The following CFAP299 variants were observed in gnomAD, a reference collection of about 807,000 sequenced individuals.
CFAP299 encodes cilia- and flagella-associated protein 299.
A neutral mutation model predicts 27.0 loss-of-function variants in CFAP299; 21 were observed. The observed-to-expected ratio is 0.78, with a 90% CI of 0.55 to 1.12. CFAP299 has a LOEUF of 1.12. Ranked by LOEUF, CFAP299 falls within the 50% of genes most tolerant of loss-of-function variation. The probability of loss-of-function intolerance (pLI) is 0.00; values close to 1 mark genes in which losing one functional copy is unlikely to be tolerated. For missense variants in CFAP299, 310 were observed against 276.6 expected (o/e 1.12, Z -0.86); for synonymous variants, 104 against 98.1 (o/e 1.06, Z -0.36).
At chr4:80,804,108 C>T (rs1051528758) in intron 3 of CFAP299, among the ~76,000 whole-genome samples, 1 of 152,122 alleles carries the variant, frequency 6.6e-6, no homozygotes, top group African/African-American at 2.4e-5. Context: ...CCTCAAGGCT[C>T]CATCTCTTAA....
chr4:80,659,614 A>G (rs1740731418), intron 3 of CFAP299, among the ~76,000 whole-genome samples: 1 of 152,022 alleles, frequency 6.6e-6, no homozygotes, highest in Non-Finnish European at 1.5e-5. Context: ...CTATAGTGGG[A>G]AAAAAACAGT....
chr4:80,780,858 A>G (rs945867478), intron 3 of CFAP299, among the ~76,000 whole-genome samples: 2 of 151,854 alleles, frequency 1.3e-5, no homozygotes, highest in Non-Finnish European at 2.9e-5. Context: ...CCATAGAAGG[A>G]TGGATAAGTT....
At chr4:80,630,727 A>G (rs1305147176) in intron 3 of CFAP299, among the ~76,000 whole-genome samples, 1 of 152,090 alleles carries the variant, frequency 6.6e-6, no homozygotes, top group Non-Finnish European at 1.5e-5. Flanking sequence ...TTATCGAGTA[A>G]TATATTGACA....
At chr4:80,488,330 A>G (rs1007026052) in intron 2 of CFAP299, among the ~76,000 whole-genome samples, 1 of 152,212 alleles carries the variant, frequency 6.6e-6, no homozygotes, top group Non-Finnish European at 1.5e-5. Context: ...CAGAAATATG[A>G]GACTGAACCG....
intron 2 of CFAP299, among the ~76,000 whole-genome samples, chr4:80,537,218 C>A (rs1230248293): frequency 6.6e-6 from 1 of 151,904 alleles, no homozygotes; most frequent in South Asian, 2.1e-4. Context: ...AAAAGGGAAC[C>A]CTCATTCACT....
chr4:80,747,148 G>A (rs979559879), intron 3 of CFAP299, among the ~76,000 whole-genome samples: 1 of 151,992 alleles, frequency 6.6e-6, no homozygotes, highest in Non-Finnish European at 1.5e-5. Context: ...AATTTATTGT[G>A]TATGTGGTCT....
At chr4:80,421,278 TGAA>T (rs1255414929) in intron 2 of CFAP299, among the ~76,000 whole-genome samples, 1 of 152,226 alleles carries the variant, frequency 6.6e-6, no homozygotes, top group Non-Finnish European at 1.5e-5. Context: ...ACAGTCTCCT[TGAA>T]GACACAGACT....
chr4:80,673,066 T>A (rs1236932683), intron 3 of CFAP299, among the ~76,000 whole-genome samples: 1 of 152,180 alleles, frequency 6.6e-6, no homozygotes, highest in Non-Finnish European at 1.5e-5. Flanking sequence ...TGAATGTGTT[T>A]GCTCTTGCTT....
chr4:80,453,789 C>T (rs1729010983), intron 2 of CFAP299, among the ~76,000 whole-genome samples: 1 of 149,454 alleles, frequency 6.7e-6, no homozygotes, highest in Non-Finnish European at 1.5e-5. Context: ...AGTGGTGAGC[C>T]AAGATCTCAC....
At chr4:80,342,460 C>T (rs1188352421) in intron 1 of CFAP299, among the ~76,000 whole-genome samples, 1 of 152,178 alleles carries the variant, frequency 6.6e-6, no homozygotes, top group African/African-American at 2.4e-5. Context: ...ATTAGACTGA[C>T]AGTGGACCTC....
rs1441147771 is a variant in CFAP299 at position 80,764,479 on chromosome 4, C to T, written c.334-105514C>T. On this transcript the variant is annotated intron_variant, in intron 3 of 5. Coordinates refer to ENST00000358105, the MANE Select transcript of CFAP299 (RefSeq NM_152770.3). Reference sequence around the variant, plus strand: ...GCGAGGATGGAGAGAAATAGGAACGCGTTTACATAGTTGGTGGGAGTGTAA... The same window carrying T: ...GCGAGGATGGAGAGAAATAGGAACGTGTTTACATAGTTGGTGGGAGTGTAA... Among the ~76,000 whole-genome samples the T allele has an allele frequency of 1.3e-4, 20 of 152,132 alleles. 1 individual carries two copies. The highest frequency in any genetic ancestry group is 1.2e-3 in the Admixed American group (19 of 15,272).
In CFAP299 at chr4:80,644,693, T is replaced by C. The variant is rs77138490; in HGVS notation, c.333+61510T>C. ...CAGAATGTTTAGAGAATTCCAACTC[T>C]TGTTCCTTGAGTAGATTTTTGCATA... On this transcript the variant is annotated intron_variant, in intron 3 of 5. Transcript: ENST00000358105. 1.3e-4 allele frequency among the ~76,000 whole-genome samples: 20 copies of C among 152,294 alleles called. No individual in the cohort carries two copies. In the East Asian group the frequency reaches 2.9e-3, roughly 22 times the overall value.
At chr4:80,513,275 C>A (rs1732407869) in intron 2 of CFAP299, among the ~76,000 whole-genome samples, 1 of 152,122 alleles carries the variant, frequency 6.6e-6, no homozygotes, top group Admixed American at 6.6e-5. Flanking sequence ...TTTTAGGCAG[C>A]AGCTGTGAGC....
intron 3 of CFAP299, among the ~76,000 whole-genome samples, chr4:80,824,906 A>G (rs963155834): frequency 1.3e-5 from 2 of 152,030 alleles, no homozygotes; most frequent in African/African-American, 4.8e-5. Flanking sequence ...CATTCAAAGG[A>G]ACAAAAAATT....
At chr4:80,743,779 C>T (rs1269348343) in intron 3 of CFAP299, among the ~76,000 whole-genome samples, 1 of 152,114 alleles carries the variant, frequency 6.6e-6, no homozygotes, top group Non-Finnish European at 1.5e-5. Flanking sequence ...CACATGTATA[C>T]CTGTGTAACA....
At chr4:80,706,927 A>T (rs1721853579) in intron 3 of CFAP299, among the ~76,000 whole-genome samples, 1 of 151,914 alleles carries the variant, frequency 6.6e-6, no homozygotes, top group African/African-American at 2.4e-5. Context: ...ATACATTTAT[A>T]AGTACCGCCC....
chr4:80,665,908 C>A (rs557455367), intron 3 of CFAP299, among the ~76,000 whole-genome samples: 1 of 152,084 alleles, frequency 6.6e-6, no homozygotes, highest in Non-Finnish European at 1.5e-5. Context: ...CTGCTCCTGC[C>A]ACGTGAGATG....
chr4:80,387,782 A>G (rs1043222486), intron 2 of CFAP299: 9 of 1,586,696 alleles, frequency 5.7e-6, no homozygotes, highest in Admixed American at 3.3e-5. Context: ...GACTTGTCAC[A>G]GTATGGGCAC....
At chr4:80,715,644 A>G (rs1012555985) in intron 3 of CFAP299, among the ~76,000 whole-genome samples, 1 of 152,126 alleles carries the variant, frequency 6.6e-6, no homozygotes, top group Non-Finnish European at 1.5e-5. Flanking sequence ...GAAATAAAAA[A>G]TTATTTTCAA....
Sources: gnomAD v4.1 joint callset for allele counts (sites outside exome capture counted in the v4.1 genomes callset) on GRCh38, gnomAD v4.1.1 for gene constraint, MANE v1.5 for transcripts, NCBI Gene and HGNC (gene_info 2026-07-23, HGNC 2026-07-21) for gene names.